Variants in VAV2 observed in about 807,000 individuals in gnomAD.
VAV2 encodes vav guanine nucleotide exchange factor 2.
Under a neutral mutation model 132.5 loss-of-function variants are expected in VAV2, and 67 were observed. The ratio of observed to expected loss-of-function variants is 0.51; its 90% CI spans 0.42 to 0.62. VAV2 has a LOEUF of 0.62. Ranked by LOEUF, VAV2 falls within the 20% of genes least tolerant of loss-of-function variation. VAV2 has a pLI of 0.00. For synonymous variants in VAV2, 492 were observed against 443.5 expected (o/e 1.11, Z -1.37); for missense variants, 938 against 1,153.6 (o/e 0.81, Z 2.71).
At position 133,915,297 on chromosome 9, in the gene VAV2, C is replaced by T. The variant is rs116844579; in HGVS notation, c.321+23806G>A. ...CCCTCCTTGTGATCACGTGGTTTCA[C>T]GACTACACTTTTTGAATTCCCGGCA... On this transcript the variant is annotated intron_variant, in intron 2 of 29. Coordinates refer to ENST00000371850, the MANE Select transcript of VAV2 (RefSeq NM_001134398.2). Among the ~76,000 whole-genome samples, 28 of 152,258 alleles carry T rather than the reference C, an allele frequency of 1.8e-4. No homozygotes were observed. The East Asian group carries it at 3.9e-3, about 21-fold the overall frequency.
At chr9:133,982,408 G>A (rs962265525) in intron 1 of VAV2, among the ~76,000 whole-genome samples, 2 of 126,358 alleles carry the variant, frequency 1.6e-5, no homozygotes, top group African/African-American at 5.7e-5. Context: ...CAGGCTGGCA[G>A]GGCAGGAGGC....
intron 19 of VAV2, among the ~76,000 whole-genome samples, chr9:133,782,207 ACTTT>A (rs1443388104): frequency 1.3e-5 from 2 of 152,124 alleles, no homozygotes; most frequent in African/African-American, 2.4e-5. Context: ...CACGGGTGAT[ACTTT>A]CTTTAAAATT....
At chr9:133,906,897 C>T (rs1335297602) in intron 2 of VAV2, among the ~76,000 whole-genome samples, 2 of 152,158 alleles carry the variant, frequency 1.3e-5, no homozygotes, top group African/African-American at 4.8e-5. Flanking sequence ...GGGACCCTCG[C>T]CCCGTCCCAT....
rs1266477240 is a variant in VAV2 at position 133,896,036 on chromosome 9, G to A, written c.322-34604C>T. Reference sequence around the variant, plus strand: ...GGAGGGAAGGTCAGCAGATAAACAAGTGAACAAAGGTCTCTGGTTTTCCTA... The same window carrying A: ...GGAGGGAAGGTCAGCAGATAAACAAATGAACAAAGGTCTCTGGTTTTCCTA... On this transcript the variant is annotated intron_variant, in intron 2 of 29. Coordinates refer to ENST00000371850, the MANE Select transcript of VAV2 (RefSeq NM_001134398.2). Among the ~76,000 whole-genome samples, 3 of 105,578 alleles carry A rather than the reference G, an allele frequency of 2.8e-5. 1 individual carries two copies. The highest frequency in any genetic ancestry group is 3.4e-4 in the South Asian group (1 of 2,984). The allele number at this position is 105,578 out of a possible 152,430, so 69.3% of individuals were successfully genotyped here.
chr9:133,921,303 A>G (rs1359936255), intron 2 of VAV2, among the ~76,000 whole-genome samples: 1 of 152,164 alleles, frequency 6.6e-6, no homozygotes, highest in Non-Finnish European at 1.5e-5. Context: ...GAATGAATGA[A>G]TGAACACATG....
At chr9:133,787,128 C>G in intron 16 of VAV2, 118 bp downstream of exon 16, 1 of 1,197,260 alleles carries the variant, frequency 8.4e-7, no homozygotes, top group Non-Finnish European at 1.1e-6. Flanking sequence ...GACGAAGGAC[C>G]AAGAAAACCC....
intron 2 of VAV2, among the ~76,000 whole-genome samples, chr9:133,913,525 A>C (rs1406977527): frequency 6.6e-6 from 1 of 152,204 alleles, no homozygotes; most frequent in African/African-American, 2.4e-5. Flanking sequence ...GAAATGACCG[A>C]TCCTTTGCCC....
chr9:133,876,720 G>A (rs901507169), intron 2 of VAV2, among the ~76,000 whole-genome samples: 2 of 152,220 alleles, frequency 1.3e-5, no homozygotes, highest in Non-Finnish European at 2.9e-5. Flanking sequence ...CCAGGTGCAC[G>A]ATGGCAGGAA....
intron 9 of VAV2, 87 bp from the exon 10 acceptor site, chr9:133,797,896 G>A (rs938247929): frequency 1.6e-4 from 205 of 1,282,812 alleles, no homozygotes; most frequent in Non-Finnish European, 1.5e-4. Flanking sequence ...TTCCCAGCAG[G>A]CTGTAGGTGC....
rs958128439 is a variant in VAV2 at position 133,776,075 on chromosome 9, G to A, written c.1971C>T (p.Pro657=). Residue 657 remains proline, a synonymous_variant, in exon 24 of 30, where the codon CCC becomes CCT. Transcript: ENST00000371850. The part of the protein sequence containing the change: ...VKPCPVDGRP[P]ISRPPSREID... The stretch of plus-strand genomic sequence containing the variant: ...TCTCCCGGGATGGCGGCCGGCTGAT[G>A]GGCGGCTGGTGGCAGAGCACAAGAG... The A allele has an allele frequency of 1.3e-5, 21 of 1,612,936 alleles. No homozygotes were observed. The highest frequency in any genetic ancestry group is 1.7e-5 in the Non-Finnish European group (20 of 1,179,788).
chr9:133,832,559 CT>C (rs770322150), intron 4 of VAV2, among the ~76,000 whole-genome samples: 133 of 145,804 alleles, frequency 9.1e-4, no homozygotes, highest in South Asian at 1.1e-3. Flanking sequence ...TTGGAATTTT[CT>C]TTTTTTTTTT....
intron 1 of VAV2, among the ~76,000 whole-genome samples, chr9:133,964,411 T>C (rs570693153): frequency 6.6e-6 from 1 of 152,012 alleles, no homozygotes; most frequent in South Asian, 2.1e-4. Flanking sequence ...TACATTTGCA[T>C]AAATATATAT....
rs1840570461 is a variant in VAV2 at position 133,928,727 on chromosome 9, G to A, written c.321+10376C>T. On this transcript the variant is annotated intron_variant, in intron 2 of 29. Coordinates refer to ENST00000371850, the MANE Select transcript of VAV2 (RefSeq NM_001134398.2). The surrounding 1 kb of genome is among the most constrained non-coding windows in gnomAD (Gnocchi z 5.4). ...TGCTGTGTTCTCCCCTGGCCAGACAGAGCCTGCGGGACACATTCATCAACG... is the reference window on the plus strand; with the variant it reads ...TGCTGTGTTCTCCCCTGGCCAGACAAAGCCTGCGGGACACATTCATCAACG... Among the ~76,000 whole-genome samples the A allele has an allele frequency of 6.6e-6, 1 of 152,242 alleles. No homozygotes were observed. Among genetic ancestry groups the A allele is most frequent in the Non-Finnish European group, 1.5e-5 (1 of 68,050 alleles).
intron 2 of VAV2, among the ~76,000 whole-genome samples, chr9:133,880,397 A>G (rs1002918766): frequency 6.6e-6 from 1 of 152,196 alleles, no homozygotes; most frequent in Non-Finnish European, 1.5e-5. Context: ...GGGAAGGACA[A>G]TGGCCTTAGG....
intron 2 of VAV2, among the ~76,000 whole-genome samples, chr9:133,893,411 C>T (rs866297363): frequency 6.6e-6 from 1 of 152,208 alleles, no homozygotes; most frequent in Non-Finnish European, 1.5e-5. Flanking sequence ...GGCAGCGCCA[C>T]GGTGGGGCAG....
intron 2 of VAV2, among the ~76,000 whole-genome samples, chr9:133,890,047 C>T (rs1339847299): frequency 5.3e-5 from 8 of 152,212 alleles, no homozygotes; most frequent in Non-Finnish European, 1.2e-4. Context: ...GGGCACACTC[C>T]GGGAGGCTAT....
intron 2 of VAV2, among the ~76,000 whole-genome samples, chr9:133,901,195 A>C (rs1048399234): frequency 6.6e-6 from 1 of 152,224 alleles, no homozygotes; most frequent in Non-Finnish European, 1.5e-5. Context: ...AGTTTTAGGA[A>C]CATTTCATGT....
chr9:133,958,458 C>G (rs1418640763), intron 1 of VAV2, among the ~76,000 whole-genome samples: 1 of 150,506 alleles, frequency 6.6e-6, no homozygotes, highest in Non-Finnish European at 1.5e-5. Context: ...TTTACCTTGT[C>G]TATGATGCAA....
chr9:133,989,699 A>G (rs1842958411), intron 1 of VAV2, among the ~76,000 whole-genome samples: 1 of 152,218 alleles, frequency 6.6e-6, no homozygotes, highest in Non-Finnish European at 1.5e-5. Flanking sequence ...AAGAAAAAAA[A>G]AAGTGAGTTT....
Sources: allele counts gnomAD v4.1 joint callset (sites outside exome capture counted in the v4.1 genomes callset), GRCh38; gene constraint gnomAD v4.1.1; non-coding constraint Gnocchi (gnomAD v3.1); transcripts MANE v1.5; gene names NCBI Gene and HGNC (gene_info 2026-07-23, HGNC 2026-07-21).